The following TECTA variants were observed in gnomAD, a reference collection of about 807,000 sequenced individuals.
The protein encoded by TECTA is tectorin alpha, also known as alpha-tectorin.
Under a neutral mutation model 216.8 loss-of-function variants are expected in TECTA, and 128 were observed. The observed-to-expected ratio is 0.59, with a 90% CI of 0.51 to 0.68. TECTA has a LOEUF of 0.68. TECTA is among the 30% of genes least tolerant of loss of function. The pLI, the probability that TECTA is intolerant of heterozygous loss-of-function variation, is 0.00. For synonymous variants in TECTA, 1,089 were observed against 1,117.1 expected (o/e 0.97, Z 0.50); for missense variants, 2,551 against 2,786.2 (o/e 0.92, Z 1.90).
At chr11:121,136,119 T>C (rs530575407) in intron 10 of TECTA, among the ~76,000 whole-genome samples, 10 of 152,218 alleles carry the variant, frequency 6.6e-5, no homozygotes, top group African/African-American at 2.2e-4. Flanking sequence ...CCACCACGCC[T>C]GGCTAATTTT....
intron 12 of TECTA, 103 bp from the exon 13 acceptor site, chr11:121,152,778 C>G (rs1946902713): frequency 8.0e-7 from 1 of 1,247,416 alleles, no homozygotes; most frequent in Admixed American, 2.0e-5. Flanking sequence ...TCCTGCCTCT[C>G]CCCGTGCCTT....
intron 4 of TECTA, among the ~76,000 whole-genome samples, chr11:121,112,773 C>G (rs1012013719): frequency 6.6e-6 from 1 of 152,232 alleles, no homozygotes; most frequent in African/African-American, 2.4e-5. Context: ...TATTATCACA[C>G]GCTTAGCCGG....
chr11:121,118,426 TG>T lies in TECTA; in HGVS notation c.912del (p.Cys305AlafsTer74), dbSNP rs1182710587. 6.2e-7 allele frequency: 1 copy of T among 1,614,172 alleles called. No homozygotes were observed. Among genetic ancestry groups the T allele is most frequent in the Non-Finnish European group, 8.5e-7 (1 of 1,180,036 alleles). ...CQEASCSPYE[V>X]CEPKGKFFYC... ...GAGGCTTCCTGTAGCCCCTACGAGG[TG>T]TGCGAACCCAAAGGCAAATTCTTCT... On this transcript the variant is annotated frameshift_variant, in exon 7 of 24. Coordinates refer to ENST00000392793, the MANE Select transcript of TECTA (RefSeq NM_005422.4). LOFTEE classifies it high-confidence loss of function.
At chr11:121,117,076 C>T (rs1247868524) in intron 6 of TECTA, among the ~76,000 whole-genome samples, 1 of 152,206 alleles carries the variant, frequency 6.6e-6, no homozygotes, top group African/African-American at 2.4e-5. Flanking sequence ...ACCTTGCAGC[C>T]TTGTGCTATT....
chr11:121,164,881 T>A (rs1439745586), intron 16 of TECTA, among the ~76,000 whole-genome samples: 1 of 152,230 alleles, frequency 6.6e-6, no homozygotes, highest in Admixed American at 6.5e-5. Flanking sequence ...TGCTACTCTT[T>A]ATATAAATAT....
intron 20 of TECTA, among the ~76,000 whole-genome samples, chr11:121,185,380 G>A (rs1287283072): frequency 2.2e-5 from 3 of 138,746 alleles, no homozygotes; most frequent in East Asian, 4.1e-4. Flanking sequence ...GAAAGCAGAT[G>A]TTCAATGCTT....
In TECTA at chr11:121,127,929, G is replaced by C; in HGVS notation, c.1952G>C (p.Gly651Ala). 1 of 1,614,130 alleles carries C rather than the reference G, an allele frequency of 6.2e-7. No individual in the cohort carries two copies. ...TSQCVPLHKC[G>A]CDFDGHYYTM... ...CAGTGCGTCCCTCTGCACAAGTGCG[G>C]CTGCGACTTCGACGGCCACTACTAC... Residue 651 changes from glycine to alanine, a missense_variant, in exon 9 of 24, where the codon GGC becomes GCC. Transcript: ENST00000392793. This position sits in a 1 kb window ranked among gnomAD's most constrained non-coding sequence, Gnocchi z 5.0.
intron 11 of TECTA, chr11:121,141,127 C>A (rs915578081): frequency 2.6e-5 from 4 of 152,328 alleles, no homozygotes; most frequent in South Asian, 2.1e-4. Flanking sequence ...ATTGAGGGTT[C>A]TTTTCTTCTG....
intron 7 of TECTA, among the ~76,000 whole-genome samples, chr11:121,120,900 A>G (rs1013926211): frequency 6.6e-6 from 1 of 152,168 alleles, no homozygotes; most frequent in Non-Finnish European, 1.5e-5. Context: ...TCAAATTCCT[A>G]TGCCACCACT....
Position 121,165,386 on chromosome 11 carries a change from G to A in TECTA, c.5383+3G>A, listed in dbSNP as rs73583199. The A allele has an allele frequency of 1.9e-3, 2,944 of 1,574,994 alleles. 54 individuals carry two copies. The African/African-American group carries it at 0.035, about 19-fold the overall frequency. On this transcript the variant is annotated splice_donor_region_variant and intron_variant, in intron 17 of 23. Coordinates refer to ENST00000392793, the MANE Select transcript of TECTA (RefSeq NM_005422.4). Reference sequence around the variant, plus strand: ...CGAGCCACCCCCCTATGGAAATAGTGAGTGACATGGGCCACCTCCCCACCC... The same window carrying A: ...CGAGCCACCCCCCTATGGAAATAGTAAGTGACATGGGCCACCTCCCCACCC...
rs770902192 is a variant in TECTA at position 121,125,268 on chromosome 11, C to G, written c.1204-34C>G. 3.1e-6 allele frequency: 5 copies of G among 1,600,366 alleles called. No homozygotes were observed. In the African/African-American group the frequency reaches 6.7e-5, roughly 21 times the overall value. Reference sequence around the variant, plus strand: ...CTGGAACCCAGTGCCTGGGCACCTGCTCACCTGCCTTTCACTATTACTGTT... The same window carrying G: ...CTGGAACCCAGTGCCTGGGCACCTGGTCACCTGCCTTTCACTATTACTGTT... On this transcript the variant is annotated intron_variant, in intron 7 of 23. Transcript: ENST00000392793.
chr11:121,106,294 A>G (rs1490202576), intron 3 of TECTA, among the ~76,000 whole-genome samples: 1 of 152,244 alleles, frequency 6.6e-6, no homozygotes, highest in Non-Finnish European at 1.5e-5. Context: ...GAACCACAGT[A>G]GGAGCAATAT....
In TECTA at chr11:121,138,040, C is replaced by A. The variant is rs190488203; in HGVS notation, c.3543+18C>A. On this transcript the variant is annotated intron_variant, in intron 11 of 23. Transcript: ENST00000392793. ...CTGTGCTGGTGAGTAGTCATGAGGT[C>A]CCCTCAAAAGGGGAATCGTGGAGAC... 2.5e-6 allele frequency: 4 copies of A among 1,613,424 alleles called. No individual in the cohort carries two copies. The highest frequency in any genetic ancestry group is 2.7e-5 in the African/African-American group (2 of 75,052).
In TECTA at chr11:121,160,946, G is replaced by A. The variant is rs541794768; in HGVS notation, c.4976+525G>A. 5.3e-5 allele frequency among the ~76,000 whole-genome samples: 8 copies of A among 152,336 alleles called. No homozygotes were observed. The South Asian group carries it at 1.2e-3, about 24-fold the overall frequency. ...CAGGCCCACCCCTGGCCAGCAGAGA[G>A]AGAGTGAGCTAAAGAAGTTATTCCA... On this transcript the variant is annotated intron_variant, in intron 15 of 23. Transcript: ENST00000392793.
intron 10 of TECTA, among the ~76,000 whole-genome samples, chr11:121,132,936 C>G (rs1946689938): frequency 6.6e-6 from 1 of 152,052 alleles, no homozygotes; most frequent in South Asian, 2.1e-4. Context: ...GTTTCACCAT[C>G]TTGGCCAGGC....
In TECTA at chr11:121,168,378, C is replaced by A. The variant is rs569792350; in HGVS notation, c.5750+161C>A. On this transcript the variant is annotated intron_variant, in intron 19 of 23. Transcript: ENST00000392793. ...TCAACCAACATTGTTCAATAGAACT[C>A]TCTGTGACGATGGAAATATTCCATC... is the stretch of plus-strand genomic sequence containing the variant. 5.3e-5 allele frequency: 54 copies of A among 1,017,126 alleles called. No homozygotes were observed. The South Asian group carries it at 7.0e-4, about 13-fold the overall frequency. The allele number at this position is 1,017,126 out of a possible 1,614,324, so 63.0% of individuals were successfully genotyped here.
intron 16 of TECTA, 41 bp downstream of exon 16, chr11:121,162,411 G>A (rs1947010674): frequency 1.3e-6 from 2 of 1,594,668 alleles, no homozygotes; most frequent in East Asian, 2.2e-5. Context: ...CATTTTCAGT[G>A]AAAAGAACAG....
Position 121,118,610 on chromosome 11 carries a change from C to G in TECTA, c.1095C>G (p.Ala365=). 6.2e-7 allele frequency: 1 copy of G among 1,614,116 alleles called. No homozygotes were observed. The highest frequency in any genetic ancestry group is 8.5e-7 in the Non-Finnish European group (1 of 1,180,020). The change falls in exon 7 of 24, where the codon GCC becomes GCG. Residue 365 remains alanine, a synonymous_variant. Coordinates refer to ENST00000392793, the MANE Select transcript of TECTA (RefSeq NM_005422.4). The stretch of plus-strand genomic sequence containing the variant: ...GCCTCCCTTTCTTCAGTGTGGAGGC[C>G]AAGAATGAACACCGCAGAGGTTCAG... ...TSSLPFFSVE[A]KNEHRRGSAV... is the part of the protein sequence containing the mutation.
At chr11:121,117,550 C>T (rs1946512677) in intron 6 of TECTA, among the ~76,000 whole-genome samples, 1 of 152,136 alleles carries the variant, frequency 6.6e-6, no homozygotes, top group African/African-American at 2.4e-5. Context: ...TTATCACATC[C>T]CTTTAAACCA....
Sources: allele counts gnomAD v4.1 joint callset (sites outside exome capture counted in the v4.1 genomes callset), GRCh38; gene constraint gnomAD v4.1.1; non-coding constraint Gnocchi (gnomAD v3.1); transcripts MANE v1.5; gene names NCBI Gene and HGNC (gene_info 2026-07-23, HGNC 2026-07-21).